The following PAFAH1B1 variants were observed in gnomAD, a reference collection of about 807,000 sequenced individuals.
PAFAH1B1 encodes platelet-activating factor acetylhydrolase IB subunit beta.
In PAFAH1B1, 2 loss-of-function variants were observed where a neutral mutation model predicts 57.5. The ratio of observed to expected loss-of-function variants is 0.03; its 90% CI spans 0.01 to 0.11. PAFAH1B1 has a LOEUF of 0.11. PAFAH1B1 is among the 10% of genes least tolerant of loss of function. PAFAH1B1 has a pLI of 1.00. For missense variants in PAFAH1B1, 257 were observed against 512.0 expected (o/e 0.50, Z 4.81); for synonymous variants, 152 against 169.6 (o/e 0.90, Z 0.81).
chr17:2,679,491 TG>T (rs1567562855), intron 9 of PAFAH1B1, among the ~76,000 whole-genome samples: 32 of 145,846 alleles, frequency 2.2e-4, no homozygotes, highest in Middle Eastern at 3.5e-3. Flanking sequence ...GATGGATGGA[TG>T]GATGGATGAT....
At chr17:2,621,607 C>CTT (rs534219431) in intron 1 of PAFAH1B1, among the ~76,000 whole-genome samples, 6 of 84,782 alleles carry the variant, frequency 7.1e-5, no homozygotes, top group African/African-American at 1.4e-4. Context: ...GATAATCTGT[C>CTT]TTTTTTTTTT....
intron 1 of PAFAH1B1, among the ~76,000 whole-genome samples, chr17:2,628,714 G>A (rs2068521986): frequency 1.3e-5 from 2 of 152,080 alleles, no homozygotes; most frequent in African/African-American, 4.8e-5. Flanking sequence ...AATCCGTCTG[G>A]TCCTGGACCT....
At chr17:2,608,443 CT>C (rs35496270) in intron 1 of PAFAH1B1, among the ~76,000 whole-genome samples, 3 of 152,146 alleles carry the variant, frequency 2.0e-5, no homozygotes, top group African/African-American at 7.2e-5. Flanking sequence ...TTGTTTACAG[CT>C]TTTTACTATT....
chr17:2,660,059 T>G (rs2151653595), intron 2 of PAFAH1B1, among the ~76,000 whole-genome samples: 1 of 152,194 alleles, frequency 6.6e-6, no homozygotes, highest in African/African-American at 2.4e-5. Flanking sequence ...CATGTGTGCT[T>G]CTGGTGGTGT....
chr17:2,593,492 A>C (rs552780828), upstream of PAFAH1B1, among the ~76,000 whole-genome samples: 5 of 151,394 alleles, frequency 3.3e-5, no homozygotes, highest in African/African-American at 9.7e-5. Flanking sequence ...CCCGCCCGCT[A>C]GAAGGCAGCG....
At chr17:2,652,563 CTGTT>C (rs1555525053) in intron 2 of PAFAH1B1, among the ~76,000 whole-genome samples, 1 of 138,724 alleles carries the variant, frequency 7.2e-6, no homozygotes, top group Non-Finnish European at 1.6e-5. Context: ...TCCTGTGAAT[CTGTT>C]TGAACATCAT....
intron 1 of PAFAH1B1, among the ~76,000 whole-genome samples, chr17:2,604,413 T>TACACA (rs2068182081): frequency 6.6e-6 from 1 of 152,210 alleles, no homozygotes; most frequent in Non-Finnish European, 1.5e-5. Flanking sequence ...TGAGTTGTTA[T>TACACA]GGTATACCTT....
intron 1 of PAFAH1B1, among the ~76,000 whole-genome samples, chr17:2,594,264 G>A (rs1038126444): frequency 6.6e-6 from 1 of 152,170 alleles, no homozygotes; most frequent in Non-Finnish European, 1.5e-5. Flanking sequence ...CTCTCCTCCC[G>A]GGCCCGGCTT....
intron 1 of PAFAH1B1, chr17:2,635,344 G>A (rs1432008525): frequency 6.6e-6 from 1 of 152,060 alleles, no homozygotes; most frequent in Non-Finnish European, 1.5e-5. Context: ...TACTGTGCCA[G>A]TACTGTCATC....
intron 6 of PAFAH1B1, among the ~76,000 whole-genome samples, chr17:2,672,062 A>G (rs2069191502): frequency 6.6e-6 from 1 of 152,088 alleles, no homozygotes; most frequent in South Asian, 2.1e-4. Flanking sequence ...TGAGGACAGG[A>G]GTTCGAGACC....
chr17:2,599,092 T>C (rs8068673), intron 1 of PAFAH1B1, among the ~76,000 whole-genome samples: 44,036 of 152,122 alleles, frequency 0.29, 6,546 homozygotes, highest in Middle Eastern at 0.36. Flanking sequence ...ACTTCTGGAA[T>C]GGTACTCTCT....
intron 2 of PAFAH1B1, among the ~76,000 whole-genome samples, chr17:2,643,368 C>T (rs1171006193): frequency 6.6e-6 from 1 of 152,166 alleles, no homozygotes; most frequent in Non-Finnish European, 1.5e-5. Flanking sequence ...ATTCTCCTGC[C>T]TCTGCCCCCC....
chr17:2,668,382 A>C (rs2069136792), intron 5 of PAFAH1B1, among the ~76,000 whole-genome samples: 1 of 151,900 alleles, frequency 6.6e-6, no homozygotes, highest in African/African-American at 2.4e-5. Flanking sequence ...CTAACAGCAG[A>C]AGAAATAAAC....
chr17:2,638,844 A>G (rs536717921), intron 2 of PAFAH1B1, among the ~76,000 whole-genome samples: 24 of 151,938 alleles, frequency 1.6e-4, no homozygotes, highest in African/African-American at 5.1e-4. Context: ...ACTTGACTGT[A>G]TGTAAGTTTA....
At chr17:2,601,173 C>A (rs974438257) in intron 1 of PAFAH1B1, among the ~76,000 whole-genome samples, 5 of 151,650 alleles carry the variant, frequency 3.3e-5, no homozygotes, top group African/African-American at 1.2e-4. Context: ...TCGTTCTTGT[C>A]GCCCAGGCTG....
rs563392192 is a variant in PAFAH1B1, at chr17:2,619,851, C to T, written c.-190-18248C>T. Among the ~76,000 whole-genome samples, 4 of 152,250 alleles carry T rather than the reference C, an allele frequency of 2.6e-5. No individual in the cohort carries two copies. In the East Asian group the frequency reaches 7.7e-4, roughly 29 times the overall value. On this transcript the variant is annotated intron_variant, in intron 1 of 10. Transcript: ENST00000397195. ...CTGGAGTACCGTGGTTTGATCGTAG[C>T]TCACTGTAACCTCAAATTCCTGGGC...
chr17:2,619,802 C>T (rs1361795923), intron 1 of PAFAH1B1, among the ~76,000 whole-genome samples: 3 of 152,102 alleles, frequency 2.0e-5, no homozygotes, highest in Non-Finnish European at 4.4e-5. Context: ...CTTTTAATGG[C>T]AGAGTCTCCC....
At chr17:2,664,178 T>C (rs947061149) in intron 2 of PAFAH1B1, among the ~76,000 whole-genome samples, 19 of 152,368 alleles carry the variant, frequency 1.2e-4, no homozygotes, top group African/African-American at 4.1e-4. Context: ...TTTGCTGATT[T>C]GTTTTAAACA....
At chr17:2,672,505 C>G in intron 6 of PAFAH1B1, 150 bp from the exon 7 acceptor site, 1 of 639,524 alleles carries the variant, frequency 1.6e-6, no homozygotes, top group South Asian at 1.8e-5. Context: ...CGTGTAAATC[C>G]AGGTTTCTTA....
Sources: gnomAD v4.1 joint callset for allele counts (sites outside exome capture counted in the v4.1 genomes callset) on GRCh38, gnomAD v4.1.1 for gene constraint, MANE v1.5 for transcripts, NCBI Gene and HGNC (gene_info 2026-07-23, HGNC 2026-07-21) for gene names.